Variants in NRG2 observed in about 807,000 individuals in gnomAD.
The protein encoded by NRG2 is pro-neuregulin-2, membrane-bound isoform.
Under a neutral mutation model 73.9 loss-of-function variants are expected in NRG2, and 27 were observed. That is an observed-to-expected ratio of 0.37 (90% CI 0.27 to 0.50). The LOEUF is 0.50. NRG2 is among the 20% of genes least tolerant of loss of function. NRG2 has a pLI of 0.96. For synonymous variants in NRG2, 532 were observed against 541.0 expected (o/e 0.98, Z 0.23); for missense variants, 1,126 against 1,210.1 (o/e 0.93, Z 1.03).
At chr5:139,975,608 A>C (rs1346794002) in intron 1 of NRG2, among the ~76,000 whole-genome samples, 1 of 152,270 alleles carries the variant, frequency 6.6e-6, no homozygotes, top group Non-Finnish European at 1.5e-5. Flanking sequence ...GAGGCCCTCC[A>C]GAGCCCTAGG....
chr5:139,849,335 C>A (rs1040276167), intron 9 of NRG2, among the ~76,000 whole-genome samples: 15 of 152,290 alleles, frequency 9.8e-5, no homozygotes, highest in African/African-American at 3.1e-4. Flanking sequence ...CTCACTGCCC[C>A]ACAGGGACAA....
chr5:139,879,044 T>A (rs1412969843), intron 3 of NRG2, among the ~76,000 whole-genome samples: 1 of 152,216 alleles, frequency 6.6e-6, no homozygotes, highest in African/African-American at 2.4e-5. Flanking sequence ...TACAGCTCTA[T>A]CATTAACTAG....
In NRG2 at chr5:139,992,005, T is replaced by C. The variant is rs183304196; in HGVS notation, c.700+50365A>G. On this transcript the variant is annotated intron_variant, in intron 1 of 9. Transcript: ENST00000361474. The stretch of plus-strand genomic sequence containing the variant: ...GGTGAGGCAAATCTTCTCTCCCTAC[T>C]TTTCTTTTTTCAGTATTTTAAATCC... 5.6e-3 allele frequency among the ~76,000 whole-genome samples: 834 copies of C among 149,188 alleles called. 10 individuals carry two copies. Among genetic ancestry groups the C allele is most frequent in the African/African-American group, 0.02 (782 of 38,674 alleles).
At chr5:139,986,122 C>T (rs1227816203) in intron 1 of NRG2, among the ~76,000 whole-genome samples, 2 of 152,170 alleles carry the variant, frequency 1.3e-5, no homozygotes, top group Admixed American at 6.5e-5. Flanking sequence ...CCAAGCAATC[C>T]CTTCTTGCAT....
intron 5 of NRG2, among the ~76,000 whole-genome samples, chr5:139,861,245 C>T (rs982159870): frequency 1.3e-5 from 2 of 152,182 alleles, no homozygotes; most frequent in Admixed American, 6.5e-5. Flanking sequence ...CTCTGGCTTC[C>T]CCAGGTGTAT....
intron 1 of NRG2, among the ~76,000 whole-genome samples, chr5:140,041,669 A>AG (rs1279049453): frequency 9.3e-5 from 14 of 151,278 alleles, no homozygotes; most frequent in Admixed American, 1.3e-4. Context: ...AAACAGCTAA[A>AG]AAAAAAAAAA....
At chr5:139,939,258 TTCTTTTTC>T (rs796390726) in intron 1 of NRG2, among the ~76,000 whole-genome samples, 58 of 147,566 alleles carry the variant, frequency 3.9e-4, no homozygotes, top group East Asian at 1.9e-3. Context: ...CTTTCTTTCT[TTCTTTTTC>T]TTTCTTTCTT....
In NRG2 at chr5:139,946,337, G is replaced by T. The variant is rs190179567; in HGVS notation, c.701-58826C>A. Among the ~76,000 whole-genome samples, 56 of 152,084 alleles carry T rather than the reference G, an allele frequency of 3.7e-4. 1 individual carries two copies. Among genetic ancestry groups the T allele is most frequent in the Admixed American group, 3.9e-4 (6 of 15,274 alleles). ...TTATGGTTAATTGGTTTTCAACAAGGATATAAAAGTAATGTAATCAGGAAA... is the reference window on the plus strand; with the variant it reads ...TTATGGTTAATTGGTTTTCAACAAGTATATAAAAGTAATGTAATCAGGAAA... On this transcript the variant is annotated intron_variant, in intron 1 of 9. Transcript: ENST00000361474.
chr5:139,879,057 G>C (rs995899743), intron 3 of NRG2, among the ~76,000 whole-genome samples: 3 of 152,152 alleles, frequency 2.0e-5, no homozygotes, highest in African/African-American at 7.2e-5. Context: ...TTAACTAGGT[G>C]TTTGACTTCA....
intron 3 of NRG2, among the ~76,000 whole-genome samples, chr5:139,879,857 A>AGGGGC (rs1236571077): frequency 6.6e-6 from 1 of 152,156 alleles, no homozygotes; most frequent in African/African-American, 2.4e-5. Flanking sequence ...AAGGAGCACA[A>AGGGGC]GGGGCTGGGA....
At chr5:139,850,724 A>C (rs1358065945) in intron 9 of NRG2, among the ~76,000 whole-genome samples, 1 of 152,172 alleles carries the variant, frequency 6.6e-6, no homozygotes, top group Non-Finnish European at 1.5e-5. Flanking sequence ...GGAGTCAGGG[A>C]AGAAAGGGCG....
chr5:139,903,881 G>A (rs1765042755), intron 1 of NRG2, among the ~76,000 whole-genome samples: 1 of 152,224 alleles, frequency 6.6e-6, no homozygotes. Flanking sequence ...GGGCAAGCCC[G>A]AGGGCTCCGA....
In NRG2 at chr5:139,887,609, T is replaced by C; in HGVS notation, c.701-98A>G. On this transcript the variant is annotated intron_variant, in intron 1 of 9. Coordinates refer to ENST00000361474, the MANE Select transcript of NRG2 (RefSeq NM_004883.3). The surrounding 1 kb of genome is among the most constrained non-coding windows in gnomAD (Gnocchi z 4.5). The stretch of plus-strand genomic sequence containing the variant: ...AGGGCCACTGTCTTTGGGCTGGAAC[T>C]GGGGAAGGGAAGGGTGATCCTGAGA... 1 of 1,124,512 alleles carries C rather than the reference T, an allele frequency of 8.9e-7. No individual in the cohort carries two copies. The highest frequency in any genetic ancestry group is 1.3e-6 in the Non-Finnish European group (1 of 773,466). 69.7% of individuals were successfully genotyped at this position (1,124,512 alleles called of 1,614,324 possible).
chr5:139,876,745 T>C (rs894346703), intron 3 of NRG2, among the ~76,000 whole-genome samples: 1 of 152,070 alleles, frequency 6.6e-6, no homozygotes, highest in Admixed American at 6.5e-5. Context: ...CCCTTTCCCT[T>C]TGATAAATTG....
rs1040377085 is a variant in NRG2, at chr5:139,918,884, G to A, written c.701-31373C>T. Among the ~76,000 whole-genome samples the A allele has an allele frequency of 7.2e-5, 11 of 152,174 alleles. 1 individual carries two copies. The highest frequency in any genetic ancestry group is 1.2e-4 in the African/African-American group (5 of 41,426). ...GAGATTCATGGGGAGATGCTCACAC[G>A]TAGAAGCCAGGAAGAAATCAGTGGT... On this transcript the variant is annotated intron_variant, in intron 1 of 9. Transcript: ENST00000361474.
chr5:140,018,511 T>C (rs1344586291), intron 1 of NRG2, among the ~76,000 whole-genome samples: 1 of 152,156 alleles, frequency 6.6e-6, no homozygotes, highest in African/African-American at 2.4e-5. Context: ...ACCCACATCA[T>C]TGCCCAGCCA....
At chr5:139,962,116 T>C (rs1030035595) in intron 1 of NRG2, among the ~76,000 whole-genome samples, 38 of 152,098 alleles carry the variant, frequency 2.5e-4, no homozygotes, top group African/African-American at 9.2e-4. Context: ...GAACTAGCCC[T>C]TGACTGCCCC....
intron 5 of NRG2, among the ~76,000 whole-genome samples, chr5:139,858,993 G>A (rs1223242557): frequency 6.6e-6 from 1 of 152,112 alleles, no homozygotes; most frequent in African/African-American, 2.4e-5. Context: ...TGTAACTGTA[G>A]GCTCTGCACC....
chr5:139,956,428 G>C (rs1754632850), intron 1 of NRG2, among the ~76,000 whole-genome samples: 1 of 151,644 alleles, frequency 6.6e-6, no homozygotes, highest in African/African-American at 2.4e-5. Context: ...TCTCTCTAAG[G>C]GCTCTCAGAT....
Sources: gnomAD v4.1 joint callset for allele counts (sites outside exome capture counted in the v4.1 genomes callset) on GRCh38, gnomAD v4.1.1 for gene constraint, Gnocchi (gnomAD v3.1) non-coding constraint, MANE v1.5 for transcripts, NCBI Gene and HGNC (gene_info 2026-07-23, HGNC 2026-07-21) for gene names.